The following BAZ2B variants were observed in gnomAD, a reference collection of about 807,000 sequenced individuals.
BAZ2B encodes bromodomain adjacent to zinc finger domain 2B.
BAZ2B carries 91 observed loss-of-function variants against 246.0 expected under a neutral mutation model. That is an observed-to-expected ratio of 0.37 (90% confidence interval 0.31 to 0.44). The LOEUF is 0.44. BAZ2B is among the 20% of genes least tolerant of loss of function. The probability of loss-of-function intolerance (pLI) is 1.00; values close to 1 mark genes in which losing one functional copy is unlikely to be tolerated. For synonymous variants in BAZ2B, 855 were observed against 860.0 expected (o/e 0.99, Z 0.10); for missense variants, 2,332 against 2,533.7 (o/e 0.92, Z 1.71).
At chr2:159,555,070 GT>G (rs35551311) in intron 2 of BAZ2B, among the ~76,000 whole-genome samples, 1,821 of 23,728 alleles carry the variant, frequency 0.077, 39 homozygotes, top group African/African-American at 0.43. Flanking sequence ...TATGTGGGGG[GT>G]GTGTGTGTGT....
chr2:159,642,514 C>G, the BAZ2B span, among the ~76,000 whole-genome samples: 1 of 152,054 alleles, frequency 6.6e-6, no homozygotes, highest in Non-Finnish European at 1.5e-5. Flanking sequence ...GCTGGGATTA[C>G]AGGTGTAAGC....
chr2:159,625,955 G>T, the BAZ2B span, among the ~76,000 whole-genome samples: 1 of 151,190 alleles, frequency 6.6e-6, no homozygotes, highest in Non-Finnish European at 1.5e-5. Flanking sequence ...ATGCACACAG[G>T]CTCAAAATAA....
chr2:159,426,465 C>A (rs3755437), intron 13 of BAZ2B, among the ~76,000 whole-genome samples: 1 of 151,980 alleles, frequency 6.6e-6, no homozygotes, highest in African/African-American at 2.4e-5. Flanking sequence ...ATCGTGTATA[C>A]AGAATGTGTA....
chr2:159,490,854 C>G (rs955094306), intron 2 of BAZ2B, among the ~76,000 whole-genome samples: 2 of 152,166 alleles, frequency 1.3e-5, no homozygotes, highest in Non-Finnish European at 2.9e-5. Flanking sequence ...GGAGCTCCAG[C>G]ATGCATCCCT....
intron 1 of BAZ2B, among the ~76,000 whole-genome samples, chr2:159,599,860 C>T (rs1477582995): frequency 1.4e-5 from 2 of 144,294 alleles, no homozygotes; most frequent in African/African-American, 5.1e-5. Flanking sequence ...GGCGTGAACC[C>T]GTGAGGTGGA....
At chr2:159,432,362 T>G (rs1409362803) in intron 9 of BAZ2B, among the ~76,000 whole-genome samples, 1 of 136,078 alleles carries the variant, frequency 7.3e-6, no homozygotes, top group African/African-American at 2.5e-5. Flanking sequence ...GAGATTTAGG[T>G]TTTTGGTACT....
chr2:159,619,718 C>A (rs935806951), upstream of BAZ2B, among the ~76,000 whole-genome samples: 1 of 151,808 alleles, frequency 6.6e-6, no homozygotes, highest in Non-Finnish European at 1.5e-5. Context: ...GTATTTGATA[C>A]CTTCTTACTA....
the BAZ2B span, among the ~76,000 whole-genome samples, chr2:159,663,844 C>G: frequency 1.5e-4 from 20 of 129,272 alleles, no homozygotes; most frequent in Admixed American, 1.7e-3. Flanking sequence ...AAGAAACTGT[C>G]AAACCATTTT....
the BAZ2B span, among the ~76,000 whole-genome samples, chr2:159,654,366 G>T: frequency 6.6e-6 from 1 of 152,142 alleles, no homozygotes; most frequent in Non-Finnish European, 1.5e-5. Context: ...AGGATGGAAA[G>T]ATAGGCTTGA....
chr2:159,562,450 C>T (rs1435472826), intron 1 of BAZ2B, among the ~76,000 whole-genome samples: 4 of 152,226 alleles, frequency 2.6e-5, no homozygotes, highest in South Asian at 4.1e-4. Context: ...CTGCTTAGCA[C>T]TTCGCAACAT....
intron 16 of BAZ2B, among the ~76,000 whole-genome samples, chr2:159,401,705 T>A (rs2065097783): frequency 6.6e-6 from 1 of 152,170 alleles, no homozygotes; most frequent in Admixed American, 6.5e-5. Flanking sequence ...TTTTATAACT[T>A]AGTGATCATA....
At chr2:159,501,400 A>T (rs1444466832) in intron 2 of BAZ2B, among the ~76,000 whole-genome samples, 3 of 147,754 alleles carry the variant, frequency 2.0e-5, no homozygotes, top group Admixed American at 1.4e-4. Context: ...TGTCAAATTC[A>T]TATGCTGTAC....
At chr2:159,681,086 T>C in the BAZ2B span, among the ~76,000 whole-genome samples, 1 of 152,046 alleles carries the variant, frequency 6.6e-6, no homozygotes, top group South Asian at 2.1e-4. Flanking sequence ...TCCTTCTACA[T>C]AAAATGAGCC....
At chr2:159,528,876 A>G (rs2085045014) in intron 2 of BAZ2B, among the ~76,000 whole-genome samples, 1 of 146,970 alleles carries the variant, frequency 6.8e-6, no homozygotes, top group South Asian at 2.1e-4. Flanking sequence ...ACATTAACAC[A>G]TTTTAAAAGG....
intron 2 of BAZ2B, among the ~76,000 whole-genome samples, chr2:159,555,016 T>A (rs2088875964): frequency 1.3e-5 from 2 of 151,566 alleles, no homozygotes; most frequent in African/African-American, 4.8e-5. Flanking sequence ...TTAAGCAAGA[T>A]GCCTAAAAAC....
intron 2 of BAZ2B, among the ~76,000 whole-genome samples, chr2:159,483,058 C>A (rs2079417140): frequency 6.6e-6 from 1 of 152,086 alleles, no homozygotes; most frequent in African/African-American, 2.4e-5. Context: ...GTGTTCAAAA[C>A]CAGCCTAGAT....
Position 159,325,688 on chromosome 2 carries a change from A to G in BAZ2B, c.6174T>C (p.Pro2058=). The G allele has an allele frequency of 1.1e-5, 18 of 1,594,188 alleles. No homozygotes were observed. Among genetic ancestry groups the G allele is most frequent in the Non-Finnish European group, 1.5e-5 (18 of 1,175,678 alleles). ...KQESFTSVKK[P]KRDDSKDLAL... ...CTAGGTCCTTGGAGTCATCTCTTTTAGGTTTCTTAACTGAAGTAAAACTTT... is the reference window on the plus strand; with the variant it reads ...CTAGGTCCTTGGAGTCATCTCTTTTGGGTTTCTTAACTGAAGTAAAACTTT... Residue 2058 remains proline, a synonymous_variant, in exon 35 of 37, where the codon CCT becomes CCC. Transcript: ENST00000392783.
In BAZ2B at chr2:159,383,669, T is replaced by C; in HGVS notation, c.3698A>G (p.Lys1233Arg). ...CSKSVVSEID[K>R]NIDYMSNLRR... ...CAAGTTTGACATATAATCAATGTTC[T>C]TGTCGATTTCACTGCCAATGCAAGA... The change falls in exon 24 of 37, where the codon AAG becomes AGG. Residue 1233 changes from lysine to arginine, a missense_variant. This residue lies in a region of BAZ2B where 328 missense variants were observed against 410.4 expected (regional missense o/e 0.80). Coordinates refer to ENST00000392783, the MANE Select transcript of BAZ2B (RefSeq NM_013450.4). 4 of 1,610,920 alleles carry C rather than the reference T, an allele frequency of 2.5e-6. No individual in the cohort carries two copies. The highest frequency in any genetic ancestry group is 3.4e-6 in the Non-Finnish European group (4 of 1,178,430).
intron 31 of BAZ2B, among the ~76,000 whole-genome samples, chr2:159,341,969 C>G (rs2066815136): frequency 6.6e-6 from 1 of 151,982 alleles, no homozygotes; most frequent in Admixed American, 6.6e-5. Context: ...ACTGGAAATG[C>G]AAGAACAAAT....
Sources: allele counts gnomAD v4.1 joint callset (sites outside exome capture counted in the v4.1 genomes callset), GRCh38; gene constraint gnomAD v4.1.1; regional missense constraint gnomAD v4.1.1; transcripts MANE v1.5; gene names NCBI Gene and HGNC (gene_info 2026-07-23, HGNC 2026-07-21).